The following SOX5 variants were observed in gnomAD, a reference collection of about 807,000 sequenced individuals.
SOX5 encodes the protein transcription factor SOX-5.
SOX5 carries 9 observed loss-of-function variants against 92.0 expected under a neutral mutation model. That is an observed-to-expected ratio of 0.10 (90% CI 0.06 to 0.17). The LOEUF is 0.17. SOX5 is among the 10% of genes least tolerant of loss of function. SOX5 has a pLI of 1.00. For synonymous variants in SOX5, 344 were observed against 336.3 expected (o/e 1.02, Z -0.25); for missense variants, 642 against 944.5 (o/e 0.68, Z 4.20).
At chr12:24,137,982 G>A (rs1301746021) in intron 4 of SOX5, among the ~76,000 whole-genome samples, 9 of 152,300 alleles carry the variant, frequency 5.9e-5, no homozygotes, top group Admixed American at 2.6e-4. Context: ...TAAAGAATCC[G>A]GTAGCTAACG....
At chr12:23,873,439 C>T (rs2096895538) in intron 2 of SOX5, among the ~76,000 whole-genome samples, 1 of 152,182 alleles carries the variant, frequency 6.6e-6, no homozygotes, top group African/African-American at 2.4e-5. Flanking sequence ...TGCCACTGTA[C>T]TCCACCCTGG....
chr12:24,338,859 A>G lies in SOX5; in HGVS notation c.-174+29704T>C, dbSNP rs548344750. Among the ~76,000 whole-genome samples the G allele has an allele frequency of 2.0e-5, 3 of 152,238 alleles. No individual in the cohort carries two copies. In the East Asian group the frequency reaches 5.8e-4, roughly 29 times the overall value. ...TCCATCATGATTGTGAGGCCTCCCCAGTCATGTGGATGTGGAACTGTGAGT... is the reference window on the plus strand; with the variant it reads ...TCCATCATGATTGTGAGGCCTCCCCGGTCATGTGGATGTGGAACTGTGAGT... On this transcript the variant is annotated intron_variant, in intron 2 of 4. Coordinates refer to the SOX5 transcript ENST00000446891.
chr12:23,657,373 A>G (rs1340280261), intron 7 of SOX5, among the ~76,000 whole-genome samples: 1 of 152,174 alleles, frequency 6.6e-6, no homozygotes, highest in Non-Finnish European at 1.5e-5. Flanking sequence ...CCTATTCCAC[A>G]TGACATTTCA....
intron 4 of SOX5, among the ~76,000 whole-genome samples, chr12:24,077,170 T>C (rs1476021117): frequency 6.6e-6 from 1 of 152,140 alleles, no homozygotes; most frequent in African/African-American, 2.4e-5. Context: ...ATCATGAAGA[T>C]TGGCAGTGGC....
At chr12:24,327,959 T>C (rs1950902098) in intron 2 of SOX5, among the ~76,000 whole-genome samples, 1 of 152,092 alleles carries the variant, frequency 6.6e-6, no homozygotes, top group Non-Finnish European at 1.5e-5. Flanking sequence ...CCCAAAGTGT[T>C]GGAATTAGAG....
chr12:24,494,502 A>G (rs551829079), intron 1 of SOX5, among the ~76,000 whole-genome samples: 6 of 152,322 alleles, frequency 3.9e-5, no homozygotes, highest in African/African-American at 1.4e-4. Context: ...CATGGCAAAA[A>G]CTAAGATATG....
chr12:23,873,565 CCA>C (rs2096897115), intron 2 of SOX5, among the ~76,000 whole-genome samples: 1 of 152,126 alleles, frequency 6.6e-6, no homozygotes, highest in Non-Finnish European at 1.5e-5. Context: ...TTATAAAATA[CCA>C]GTTTCTGTGT....
chr12:24,492,783 T>C (rs770581735), intron 1 of SOX5, among the ~76,000 whole-genome samples: 3 of 152,224 alleles, frequency 2.0e-5, no homozygotes. Context: ...TGAAATAGTT[T>C]AGATTCATTG....
intron 1 of SOX5, among the ~76,000 whole-genome samples, chr12:24,496,167 C>A (rs1287678485): frequency 6.6e-6 from 1 of 152,138 alleles, no homozygotes; most frequent in Non-Finnish European, 1.5e-5. Flanking sequence ...TTAGTAACTA[C>A]AACTTCTGCT....
At chr12:24,390,349 T>C (rs1036764832) in intron 1 of SOX5, among the ~76,000 whole-genome samples, 1 of 152,204 alleles carries the variant, frequency 6.6e-6, no homozygotes, top group Non-Finnish European at 1.5e-5. Flanking sequence ...TACTGTTGAC[T>C]TATATTGAAC....
At chr12:24,001,706 G>T (rs940287429) in intron 4 of SOX5, among the ~76,000 whole-genome samples, 1 of 152,084 alleles carries the variant, frequency 6.6e-6, no homozygotes, top group Admixed American at 6.5e-5. Flanking sequence ...ATAATTAACT[G>T]TATTTGTGTA....
At chr12:24,230,993 A>G (rs75243983) in intron 3 of SOX5, among the ~76,000 whole-genome samples, 3,112 of 152,310 alleles carry the variant, frequency 0.02, 113 homozygotes, top group African/African-American at 0.071. Context: ...CTCATTTTGC[A>G]TTCCCCGTTT....
At chr12:24,211,773 G>C (rs1471753865) in intron 4 of SOX5, among the ~76,000 whole-genome samples, 1 of 152,158 alleles carries the variant, frequency 6.6e-6, no homozygotes, top group Non-Finnish European at 1.5e-5. Context: ...AAGTTGATTG[G>C]ACCAAGTTTC....
At chr12:23,706,104 G>A (rs541386643) in intron 6 of SOX5, among the ~76,000 whole-genome samples, 2 of 151,834 alleles carry the variant, frequency 1.3e-5, no homozygotes, top group African/African-American at 2.4e-5. Context: ...AAAATGTAAC[G>A]GACCATTCCC....
intron 4 of SOX5, among the ~76,000 whole-genome samples, chr12:23,975,347 T>TTA (rs1948785492): frequency 6.6e-6 from 1 of 150,734 alleles, no homozygotes; most frequent in Admixed American, 6.6e-5. Context: ...ATACTTTTTT[T>TTA]AAAAAAAAAA....
At chr12:23,628,201 A>T (rs1368839674) in intron 8 of SOX5, among the ~76,000 whole-genome samples, 1 of 152,046 alleles carries the variant, frequency 6.6e-6, no homozygotes, top group Non-Finnish European at 1.5e-5. Context: ...ACTATTCCTA[A>T]TAATTTAAAA....
intron 1 of SOX5, among the ~76,000 whole-genome samples, chr12:24,555,384 T>C (rs1373748039): frequency 6.6e-6 from 1 of 152,208 alleles, no homozygotes; most frequent in African/African-American, 2.4e-5. Context: ...TAATGGAAGA[T>C]AAATGAACCA....
chr12:23,987,953 G>C (rs1015870872), intron 4 of SOX5, among the ~76,000 whole-genome samples: 2 of 152,158 alleles, frequency 1.3e-5, no homozygotes, highest in South Asian at 4.1e-4. Flanking sequence ...AGGAAAAATG[G>C]AAGTAGAGAA....
chr12:24,435,758 G>A (rs1939293189), intron 1 of SOX5, among the ~76,000 whole-genome samples: 1 of 99,188 alleles, frequency 1.0e-5, no homozygotes, highest in African/African-American at 3.4e-5. Context: ...AGATACTGTG[G>A]TTTGTTTTTT....
Sources: allele counts gnomAD v4.1 joint callset (sites outside exome capture counted in the v4.1 genomes callset), GRCh38; gene constraint gnomAD v4.1.1; transcripts MANE v1.5; gene names NCBI Gene and HGNC (gene_info 2026-07-23, HGNC 2026-07-21).